The following GRID2 variants were observed in gnomAD, a reference collection of about 807,000 sequenced individuals.
GRID2 encodes glutamate receptor ionotropic, delta-2.
Under a neutral mutation model 114.8 loss-of-function variants are expected in GRID2, and 33 were observed. The ratio of observed to expected loss-of-function variants is 0.29; its 90% CI spans 0.22 to 0.38. GRID2 has a LOEUF of 0.38. GRID2 is among the 10% of genes least tolerant of loss of function. The pLI, the probability that GRID2 is intolerant of heterozygous loss-of-function variation, is 1.00. For synonymous variants in GRID2, 505 were observed against 449.9 expected, an observed-to-expected ratio of 1.12 and a Z score of -1.55; for missense variants, 1,184 against 1,257.7, an observed-to-expected ratio of 0.94 and a Z score of 0.89.
chr4:93,140,465 G>A (rs528375813), intron 4 of GRID2, among the ~76,000 whole-genome samples: 4 of 152,070 alleles, frequency 2.6e-5, no homozygotes, highest in Non-Finnish European at 5.9e-5. Context: ...GCTGGAATCC[G>A]TGTCATTTTT....
chr4:93,213,562 T>A (rs1390379087), intron 5 of GRID2, among the ~76,000 whole-genome samples: 1 of 152,178 alleles, frequency 6.6e-6, no homozygotes, highest in African/African-American at 2.4e-5. Context: ...ATTTGTTAGA[T>A]GCTAAGAGGT....
At chr4:93,173,167 CTGTGCTTAA>C (rs1739012005) in intron 4 of GRID2, among the ~76,000 whole-genome samples, 1 of 151,998 alleles carries the variant, frequency 6.6e-6, no homozygotes, top group Non-Finnish European at 1.5e-5. Flanking sequence ...TCTTAATGTG[CTGTGCTTAA>C]GAAACTAGTT....
At chr4:93,747,141 G>A (rs906583658) in intron 14 of GRID2, among the ~76,000 whole-genome samples, 2 of 152,014 alleles carry the variant, frequency 1.3e-5, no homozygotes, top group African/African-American at 4.8e-5. Context: ...AACACAGTTG[G>A]AAGCAATTAT....
At chr4:93,435,168 C>A (rs1177276511) in intron 10 of GRID2, among the ~76,000 whole-genome samples, 1 of 152,070 alleles carries the variant, frequency 6.6e-6, no homozygotes, top group African/African-American at 2.4e-5. Context: ...TCTGAGATTT[C>A]ATATATTTGG....
At chr4:93,741,289 T>C (rs1731398129) in intron 14 of GRID2, among the ~76,000 whole-genome samples, 1 of 149,788 alleles carries the variant, frequency 6.7e-6, no homozygotes, top group South Asian at 2.1e-4. Flanking sequence ...ATTTTTTAAA[T>C]GCTCCTCATG....
chr4:93,488,465 C>T (rs1726630182), intron 11 of GRID2, among the ~76,000 whole-genome samples: 1 of 151,716 alleles, frequency 6.6e-6, no homozygotes, highest in Admixed American at 6.6e-5. Flanking sequence ...AGTGGGAACT[C>T]GTGGTTGTAA....
intron 14 of GRID2, among the ~76,000 whole-genome samples, chr4:93,762,327 T>G: frequency 6.6e-6 from 1 of 152,162 alleles, no homozygotes; most frequent in East Asian, 1.9e-4. Context: ...TACATAAAAC[T>G]CATAAGTAGG....
intron 4 of GRID2, among the ~76,000 whole-genome samples, chr4:93,124,916 A>C (rs539845534): frequency 6.6e-6 from 1 of 152,172 alleles, no homozygotes; most frequent in African/African-American, 2.4e-5. Flanking sequence ...GTAAAATTTC[A>C]TGAACATAGA....
chr4:93,039,798 A>G (rs894523971), intron 2 of GRID2, among the ~76,000 whole-genome samples: 17 of 152,150 alleles, frequency 1.1e-4, no homozygotes, highest in African/African-American at 3.6e-4. Flanking sequence ...TCATCTGTAC[A>G]TGGGTTAATA....
intron 11 of GRID2, among the ~76,000 whole-genome samples, chr4:93,469,361 T>A (rs917712250): frequency 6.6e-6 from 1 of 152,066 alleles, no homozygotes; most frequent in African/African-American, 2.4e-5. Flanking sequence ...CAAATCAATC[T>A]ACTAATAATG....
chr4:93,372,602 T>A (rs1219896694), intron 8 of GRID2, among the ~76,000 whole-genome samples: 1 of 152,124 alleles, frequency 6.6e-6, no homozygotes, highest in Admixed American at 6.5e-5. Context: ...GACTCCTAAA[T>A]GGTTTCTGTG....
chr4:92,868,016 TTTTCTTTCTTTC>T (rs57222462), intron 2 of GRID2, among the ~76,000 whole-genome samples: 1,734 of 132,874 alleles, frequency 0.013, 36 homozygotes, highest in East Asian at 0.044. Context: ...TACTGAAAGG[TTTTCTTTCTTTC>T]TTTCTTTCTT....
chr4:92,880,629 A>G (rs1745934396), intron 2 of GRID2, among the ~76,000 whole-genome samples: 1 of 152,220 alleles, frequency 6.6e-6, no homozygotes, highest in Non-Finnish European at 1.5e-5. Context: ...ACCAATTAGT[A>G]TCTATATATT....
intron 4 of GRID2, among the ~76,000 whole-genome samples, chr4:93,143,440 A>T (rs1420806081): frequency 6.6e-6 from 1 of 152,186 alleles, no homozygotes; most frequent in Non-Finnish European, 1.5e-5. Flanking sequence ...CCAATATGGC[A>T]TGGAATAAAG....
At chr4:92,760,389 C>A (rs1452594878) in intron 2 of GRID2, among the ~76,000 whole-genome samples, 1 of 152,056 alleles carries the variant, frequency 6.6e-6, no homozygotes, top group East Asian at 1.9e-4. Flanking sequence ...GGCTCTCGAT[C>A]CTTTTGGGGA....
chr4:92,951,250 A>T (rs1254228164), intron 2 of GRID2, among the ~76,000 whole-genome samples: 1 of 152,044 alleles, frequency 6.6e-6, no homozygotes, highest in African/African-American at 2.4e-5. Flanking sequence ...CTTATTAAAT[A>T]TCTTGTTTTT....
chr4:93,327,147 T>C (rs544512996), intron 8 of GRID2, among the ~76,000 whole-genome samples: 3 of 152,318 alleles, frequency 2.0e-5, no homozygotes, highest in South Asian at 4.1e-4. Flanking sequence ...AGTATGGTTT[T>C]TTAAATGTCA....
At chr4:92,721,072 A>G (rs1031321113) in intron 2 of GRID2, among the ~76,000 whole-genome samples, 1 of 152,130 alleles carries the variant, frequency 6.6e-6, no homozygotes, top group Non-Finnish European at 1.5e-5. Context: ...CAAATATTGT[A>G]TGATTCTACT....
At chr4:93,008,519 T>C (rs1390676026) in intron 2 of GRID2, among the ~76,000 whole-genome samples, 2 of 152,126 alleles carry the variant, frequency 1.3e-5, no homozygotes, top group Non-Finnish European at 1.5e-5. Context: ...ATGTGTTTTT[T>C]AAACTGTTCC....
Sources: allele counts gnomAD v4.1 joint callset (sites outside exome capture counted in the v4.1 genomes callset), GRCh38; gene constraint gnomAD v4.1.1; transcripts MANE v1.5; gene names NCBI Gene and HGNC (gene_info 2026-07-23, HGNC 2026-07-21).